ICA1: variants seen among roughly 807,000 people sequenced by gnomAD.
ICA1 encodes the protein 69 kDa islet cell autoantigen.
Under a neutral mutation model 71.0 loss-of-function variants are expected in ICA1, and 40 were observed. That is an observed-to-expected ratio of 0.56 (90% CI 0.44 to 0.73). The LOEUF is 0.73. Ranked by LOEUF, ICA1 falls within the 30% of genes least tolerant of loss-of-function variation. The probability of loss-of-function intolerance (pLI) is 0.00; values close to 1 mark genes in which losing one functional copy is unlikely to be tolerated. For missense variants in ICA1, 578 were observed against 576.5 expected (o/e 1.00, Z -0.03); for synonymous variants, 207 against 209.5 (o/e 0.99, Z 0.10).
chr7:8,113,416 T>G lies in ICA1; in HGVS notation c.*507A>C, dbSNP rs1457026689. 1 of 154,606 alleles carries G rather than the reference T, an allele frequency of 6.5e-6. No individual in the cohort carries two copies. The highest frequency in any genetic ancestry group is 2.4e-5 in the African/African-American group (1 of 41,452). The allele number at this position is 154,606 out of a possible 1,614,324, so 9.6% of individuals were successfully genotyped here. On this transcript the variant is annotated 3_prime_UTR_variant, in exon 14 of 14. Coordinates refer to ENST00000402384, the MANE Select transcript of ICA1 (RefSeq NM_001136020.3). This position sits in a 1 kb window ranked among gnomAD's most constrained non-coding sequence, Gnocchi z 4.2. ...CCAGGCACCTGCTGTGGGGACAGTG[T>G]CTTTGGTTGGCCAGAGCTTCATCCA...
At chr7:8,203,081 T>C (rs747514162) in intron 6 of ICA1, among the ~76,000 whole-genome samples, 5 of 152,222 alleles carry the variant, frequency 3.3e-5, no homozygotes, top group Non-Finnish European at 5.9e-5. Context: ...TTCAGTTTTC[T>C]GTATCAACCT....
At chr7:8,143,024 T>C (rs547918836) in intron 9 of ICA1, among the ~76,000 whole-genome samples, 2 of 152,358 alleles carry the variant, frequency 1.3e-5, no homozygotes, top group African/African-American at 4.8e-5. Flanking sequence ...ACAATAAAAG[T>C]ATAAGCCTGT....
At chr7:8,168,095 T>C (rs1806830445) in intron 6 of ICA1, among the ~76,000 whole-genome samples, 1 of 152,004 alleles carries the variant, frequency 6.6e-6, no homozygotes, top group Non-Finnish European at 1.5e-5. Context: ...CTGGATCCAG[T>C]TGCTTTTCCT....
chr7:8,174,994 A>G (rs1245808881), intron 6 of ICA1, among the ~76,000 whole-genome samples: 2 of 152,176 alleles, frequency 1.3e-5, no homozygotes, highest in South Asian at 2.1e-4. Flanking sequence ...GGGTGGTTAA[A>G]CAGGGCCTTG....
At position 8,158,574 on chromosome 7, in the gene ICA1, CAAG is replaced by C; in HGVS notation, c.655_657del (p.Leu219del). 6.2e-7 allele frequency: 1 copy of C among 1,614,130 alleles called. No individual in the cohort carries two copies. Among genetic ancestry groups the C allele is most frequent in the Non-Finnish European group, 8.5e-7 (1 of 1,179,994 alleles). ...GACAAGAGATTGCATCTGCTCGCTC[CAAG>C]AAGATCCACTTTTTGACAAACATCC... On this transcript the variant is annotated inframe_deletion, in exon 7 of 14. Transcript: ENST00000402384.
intron 1 of ICA1, among the ~76,000 whole-genome samples, chr7:8,242,779 A>G (rs1250793329): frequency 6.6e-6 from 1 of 152,244 alleles, no homozygotes; most frequent in African/African-American, 2.4e-5. Context: ...AGAGAATACT[A>G]TAAACACCTC....
chr7:8,122,814 T>G (rs990858478), intron 13 of ICA1, among the ~76,000 whole-genome samples: 5 of 152,244 alleles, frequency 3.3e-5, no homozygotes, highest in Admixed American at 3.3e-4. Flanking sequence ...CAAGGCTGTA[T>G]GTTTTTGGGA....
rs928271941 is a variant in ICA1, at chr7:8,130,033, C to G, written c.1061-1891G>C. On this transcript the variant is annotated intron_variant, in intron 12 of 13. Transcript: ENST00000402384. This position sits in a 1 kb window ranked among gnomAD's most constrained non-coding sequence, Gnocchi z 4.2. ...TCCATGTCCCTACAAAGGACATGAA[C>G]TCATCCTTTTTTATGGCTGCATAGT... Among the ~76,000 whole-genome samples the G allele has an allele frequency of 2.0e-5, 3 of 152,050 alleles. No individual in the cohort carries two copies. Among genetic ancestry groups the G allele is most frequent in the Admixed American group, 1.3e-4 (2 of 15,268 alleles).
intron 8 of ICA1, among the ~76,000 whole-genome samples, chr7:8,151,952 T>C (rs3807840): frequency 0.082 from 12,416 of 152,256 alleles, 571 homozygotes; most frequent in East Asian, 0.21. Context: ...TCAGGTTTCC[T>C]TAGCGTTAAA....
intron 13 of ICA1, among the ~76,000 whole-genome samples, chr7:8,115,426 G>C (rs1347544626): frequency 6.6e-6 from 1 of 152,160 alleles, no homozygotes; most frequent in Non-Finnish European, 1.5e-5. Context: ...TCTTGCTAGA[G>C]GATATCAAAA....
At chr7:8,209,535 G>A (rs1317454805) in intron 6 of ICA1, among the ~76,000 whole-genome samples, 1 of 152,038 alleles carries the variant, frequency 6.6e-6, no homozygotes, top group African/African-American at 2.4e-5. Context: ...TATTTATTAT[G>A]CAATTTGGGT....
chr7:8,257,531 TA>T (rs1477265175), intron 1 of ICA1, among the ~76,000 whole-genome samples: 9 of 152,174 alleles, frequency 5.9e-5, no homozygotes, highest in Non-Finnish European at 1.2e-4. Flanking sequence ...TCTAGACTCT[TA>T]AAATTAACAA....
chr7:8,164,423 T>C lies in ICA1; in HGVS notation c.580-5771A>G, dbSNP rs559998592. 5.3e-5 allele frequency among the ~76,000 whole-genome samples: 8 copies of C among 151,888 alleles called. No individual in the cohort carries two copies. In the South Asian group the frequency reaches 1.7e-3, roughly 32 times the overall value. ...AATACTGCTCTGATCCAAAAGACAC[T>C]TAAGAGGCAAAGCAGGCCCTGGTGA... On this transcript the variant is annotated intron_variant, in intron 6 of 13. Transcript: ENST00000402384.
chr7:8,248,309 A>G (rs937086224), intron 1 of ICA1, among the ~76,000 whole-genome samples: 4 of 151,838 alleles, frequency 2.6e-5, no homozygotes, highest in Non-Finnish European at 4.4e-5. Flanking sequence ...AGTCAATGCC[A>G]AATTTGTCAT....
intron 1 of ICA1, among the ~76,000 whole-genome samples, chr7:8,250,909 T>A (rs1392186982): frequency 1.3e-5 from 2 of 150,670 alleles, no homozygotes; most frequent in African/African-American, 2.4e-5. Context: ...ATTAAAGAAA[T>A]TTTTTTTTTG....
At chr7:8,145,443 G>C (rs1012157460) in intron 8 of ICA1, among the ~76,000 whole-genome samples, 5 of 152,026 alleles carry the variant, frequency 3.3e-5, no homozygotes, top group African/African-American at 1.2e-4. Flanking sequence ...TTAATCCTAT[G>C]AGTGTTTTCA....
rs1411912441 is a variant in ICA1, at chr7:8,132,425, A to C, written c.1061-4283T>G. On this transcript the variant is annotated intron_variant, in intron 12 of 13. Transcript: ENST00000402384. The surrounding 1 kb of genome is among the most constrained non-coding windows in gnomAD (Gnocchi z 4.5). ...GTTCTGGTTTCTTCTTCCTTCCACA[A>C]CCACATACTCTACTTTGGCTCTACT... 6.6e-6 allele frequency among the ~76,000 whole-genome samples: 1 copy of C among 152,004 alleles called. No individual in the cohort carries two copies. Among genetic ancestry groups the C allele is most frequent in the Non-Finnish European group, 1.5e-5 (1 of 68,000 alleles).
intron 13 of ICA1, among the ~76,000 whole-genome samples, chr7:8,125,338 C>A (rs73057510): frequency 0.03 from 4,618 of 152,294 alleles, 141 homozygotes; most frequent in Middle Eastern, 0.058. Context: ...TCAGCTCCAG[C>A]CAAGTGTCCT....
chr7:8,186,837 T>C (rs2128284857), intron 6 of ICA1, among the ~76,000 whole-genome samples: 1 of 152,022 alleles, frequency 6.6e-6, no homozygotes, highest in Non-Finnish European at 1.5e-5. Flanking sequence ...CTAGTTAGAG[T>C]TGTATTCTTA....
Sources: gnomAD v4.1 joint callset for allele counts (sites outside exome capture counted in the v4.1 genomes callset) on GRCh38, gnomAD v4.1.1 for gene constraint, Gnocchi (gnomAD v3.1) non-coding constraint, MANE v1.5 for transcripts, NCBI Gene and HGNC (gene_info 2026-07-23, HGNC 2026-07-21) for gene names.